DYNC2H1: variants seen among roughly 807,000 people sequenced by gnomAD.
DYNC2H1 encodes cytoplasmic dynein 2 heavy chain 1.
Under a neutral mutation model 570.0 loss-of-function variants are expected in DYNC2H1, and 410 were observed. That is an observed-to-expected ratio of 0.72 (90% CI 0.66 to 0.78). The LOEUF is 0.78. Among genes scored for constraint, DYNC2H1 ranks in the 30% least tolerant of loss-of-function variants. The probability of loss-of-function intolerance (pLI) is 0.00; values close to 1 mark genes in which losing one functional copy is unlikely to be tolerated. For synonymous variants in DYNC2H1, 1,688 were observed against 1,677.6 expected (o/e 1.01, Z -0.15); for missense variants, 4,865 against 5,046.4 (o/e 0.96, Z 1.09).
At chr11:103,124,147 T>C (rs1858865988) in intron 11 of DYNC2H1, among the ~76,000 whole-genome samples, 1 of 151,926 alleles carries the variant, frequency 6.6e-6, no homozygotes, top group Non-Finnish European at 1.5e-5. Context: ...ATTGTGAGGG[T>C]GATTTGAAAT....
At chr11:103,315,798 A>G (rs1055132544) in intron 79 of DYNC2H1, among the ~76,000 whole-genome samples, 4 of 152,066 alleles carry the variant, frequency 2.6e-5, no homozygotes, top group African/African-American at 9.7e-5. Context: ...TGAAAGCTAC[A>G]TGAGGGCAGG....
intron 83 of DYNC2H1, among the ~76,000 whole-genome samples, chr11:103,398,878 TG>T (rs1474861187): frequency 2.6e-5 from 4 of 152,188 alleles, no homozygotes; most frequent in Admixed American, 2.6e-4. Context: ...TAATGTTCAC[TG>T]ATCTTGAGCA....
At chr11:103,137,446 G>A (rs1191611291) in intron 17 of DYNC2H1, among the ~76,000 whole-genome samples, 2 of 151,900 alleles carry the variant, frequency 1.3e-5, no homozygotes, top group Non-Finnish European at 2.9e-5. Flanking sequence ...TCTACATATG[G>A]TTAGCCAGTT....
Position 103,311,998 on chromosome 11 carries a change from G to T in DYNC2H1, c.11614G>T (p.Ala3872Ser), listed in dbSNP as rs1867611361. 6.2e-7 allele frequency: 1 copy of T among 1,612,444 alleles called. No individual in the cohort carries two copies. Among genetic ancestry groups the T allele is most frequent in the Non-Finnish European group, 8.5e-7 (1 of 1,179,498 alleles). ...TCTCTTCAGTCTTGCATGGTTTCATGCTGCATGTCAAGAAAGAAGAAACTA... is the reference window on the plus strand; with the variant it reads ...TCTCTTCAGTCTTGCATGGTTTCATTCTGCATGTCAAGAAAGAAGAAACTA... ...HALFSLAWFH[A>S]ACQERRNYIP... The change falls in exon 79 of 89, where the codon GCT becomes TCT. Residue 3872 changes from alanine (A) to serine (S), a missense_variant. Ala to Ser is a moderately conservative substitution (Grantham distance 99). Transcript: ENST00000375735.
Position 103,472,353 on chromosome 11 carries a change from CA to C in DYNC2H1, c.12765+3649del, listed in dbSNP as rs1401498087. On this transcript the variant is annotated intron_variant, in intron 88 of 88. Transcript: ENST00000375735. This position sits in a 1 kb window ranked among gnomAD's most constrained non-coding sequence, Gnocchi z 4.1. ...TGGCTTGGGCAACATAGCAAGACCC[CA>C]TCTTTATTAAATAAAAAAAGAATTA... Among the ~76,000 whole-genome samples the C allele has an allele frequency of 6.9e-6, 1 of 145,812 alleles. No individual in the cohort carries two copies. The highest frequency in any genetic ancestry group is 1.5e-5 in the Non-Finnish European group (1 of 66,746).
At chr11:103,207,210 C>T (rs1862962970) in intron 52 of DYNC2H1, among the ~76,000 whole-genome samples, 1 of 145,432 alleles carries the variant, frequency 6.9e-6, no homozygotes, top group Non-Finnish European at 1.5e-5. Context: ...CGTGAGCTAC[C>T]GTGCCTGGGC....
intron 78 of DYNC2H1, among the ~76,000 whole-genome samples, chr11:103,309,074 G>C (rs1867437528): frequency 6.7e-6 from 1 of 149,972 alleles, no homozygotes; most frequent in South Asian, 2.1e-4. Flanking sequence ...AGCTAAAATT[G>C]TGTTTGTAAT....
At chr11:103,342,439 C>T (rs943418413) in intron 82 of DYNC2H1, among the ~76,000 whole-genome samples, 11 of 151,982 alleles carry the variant, frequency 7.2e-5, no homozygotes, top group East Asian at 1.9e-4. Flanking sequence ...CCTTCCACAA[C>T]GTGGAACCTT....
chr11:103,202,193 G>A (rs1046584351), intron 50 of DYNC2H1, among the ~76,000 whole-genome samples: 3 of 151,716 alleles, frequency 2.0e-5, no homozygotes, highest in Non-Finnish European at 4.4e-5. Context: ...GACTTAGAGC[G>A]TTCCATCTTT....
At chr11:103,381,979 A>G (rs1016768962) in intron 83 of DYNC2H1, among the ~76,000 whole-genome samples, 1 of 152,246 alleles carries the variant, frequency 6.6e-6, no homozygotes, top group African/African-American at 2.4e-5. Context: ...TTTGAAAACA[A>G]TAATTTGAAA....
At chr11:103,345,029 A>G (rs1939667932) in intron 82 of DYNC2H1, among the ~76,000 whole-genome samples, 2 of 152,104 alleles carry the variant, frequency 1.3e-5, no homozygotes, top group African/African-American at 4.8e-5. Flanking sequence ...ACGTGCATGC[A>G]TTCTTTCAAT....
intron 82 of DYNC2H1, among the ~76,000 whole-genome samples, chr11:103,342,260 A>C (rs1043030026): frequency 4.6e-5 from 7 of 152,132 alleles, no homozygotes; most frequent in African/African-American, 1.7e-4. Flanking sequence ...ACCAATCAGC[A>C]CCCTGTAAAA....
chr11:103,433,653 T>C (rs589523), intron 84 of DYNC2H1, among the ~76,000 whole-genome samples: 84,164 of 151,896 alleles, frequency 0.55, 23,948 homozygotes, highest in East Asian at 0.72. Flanking sequence ...TTACATTTCC[T>C]CACATGCAAA....
At chr11:103,307,592 C>G in intron 77 of DYNC2H1, 129 bp from the exon 78 acceptor site, 1 of 526,324 alleles carries the variant, frequency 1.9e-6, no homozygotes, top group Non-Finnish European at 3.3e-6. Context: ...GGAAATATAA[C>G]CAGAGCATTA....
chr11:103,475,627 T>C (rs1945525955), intron 88 of DYNC2H1, among the ~76,000 whole-genome samples: 1 of 152,152 alleles, frequency 6.6e-6, no homozygotes, highest in Admixed American at 6.5e-5. Context: ...AGTGACAAAA[T>C]ATCAAGAAGC....
chr11:103,318,323 C>T (rs1350478732), intron 80 of DYNC2H1, among the ~76,000 whole-genome samples: 3 of 152,060 alleles, frequency 2.0e-5, no homozygotes, highest in Non-Finnish European at 4.4e-5. Context: ...TTTATCTTCC[C>T]CTGTTCCTGA....
intron 21 of DYNC2H1, 22 bp downstream of exon 21, chr11:103,152,307 A>G: frequency 6.4e-7 from 1 of 1,557,810 alleles, no homozygotes; most frequent in Non-Finnish European, 8.6e-7. Flanking sequence ...TTAATTATTT[A>G]TTAAAATGGG....
At chr11:103,285,424 C>CTT (rs60667279) in intron 73 of DYNC2H1, among the ~76,000 whole-genome samples, 2,456 of 136,878 alleles carry the variant, frequency 0.018, 64 homozygotes, top group African/African-American at 0.044. Flanking sequence ...TTTTTCTTTT[C>CTT]TTTTTTTTTT....
At chr11:103,178,099 GC>G (rs1210784082) in intron 38 of DYNC2H1, among the ~76,000 whole-genome samples, 1 of 152,012 alleles carries the variant, frequency 6.6e-6, no homozygotes, top group Non-Finnish European at 1.5e-5. Context: ...TAAAATCTTT[GC>G]TGAGTTGATA....
Sources: allele counts gnomAD v4.1 joint callset (sites outside exome capture counted in the v4.1 genomes callset), GRCh38; gene constraint gnomAD v4.1.1; non-coding constraint Gnocchi (gnomAD v3.1); transcripts MANE v1.5; gene names NCBI Gene and HGNC (gene_info 2026-07-23, HGNC 2026-07-21).